The following TMEM260 variants were observed in gnomAD, a reference collection of about 807,000 sequenced individuals.
TMEM260 encodes transmembrane protein 260.
A neutral mutation model predicts 88.9 loss-of-function variants in TMEM260; 82 were observed. The ratio of observed to expected loss-of-function variants is 0.92; its 90% confidence interval spans 0.77 to 1.11. The LOEUF (loss-of-function observed/expected upper bound fraction) is 1.11, where lower values mean the gene tolerates loss of function less well. Ranked by LOEUF, TMEM260 falls within the 50% of genes least tolerant of loss-of-function variation. The pLI is 0.00. For missense variants in TMEM260, 902 were observed against 853.4 expected, an observed-to-expected ratio of 1.06 and a Z score of -0.71; for synonymous variants, 314 against 309.3, an observed-to-expected ratio of 1.02 and a Z score of -0.16.
chr14:56,615,935 T>G lies in TMEM260; in HGVS notation c.858-9T>G. 1 of 1,605,092 alleles carries G rather than the reference T, an allele frequency of 6.2e-7. No homozygotes were observed. The highest frequency in any genetic ancestry group is 8.5e-7 in the Non-Finnish European group (1 of 1,172,458). ...TCCTGCCAACAATAAGTTAGATTGT[T>G]TTTTGCAGTTCTCAAGTAACAAATA... On this transcript the variant is annotated splice_polypyrimidine_tract_variant and intron_variant, in intron 7 of 15. Transcript: ENST00000261556.
intron 11 of TMEM260, 143 bp downstream of exon 11, chr14:56,621,845 G>A: frequency 1.7e-6 from 1 of 591,268 alleles, no homozygotes; most frequent in Non-Finnish European, 2.7e-6. Context: ...CTACATGTTA[G>A]GTAGAATATA....
At chr14:56,624,154 A>G (rs1296858738) in intron 11 of TMEM260, among the ~76,000 whole-genome samples, 1 of 152,222 alleles carries the variant, frequency 6.6e-6, no homozygotes, top group Non-Finnish European at 1.5e-5. Flanking sequence ...GAGCTTCTCC[A>G]GGGCAGGGAT....
intron 15 of TMEM260, among the ~76,000 whole-genome samples, chr14:56,645,107 C>T (rs1433599533): frequency 2.0e-5 from 3 of 150,426 alleles, no homozygotes; most frequent in African/African-American, 7.3e-5. Context: ...GGATCTAGAA[C>T]TAGAAATACC....
intron 3 of TMEM260, 152 bp downstream of exon 3, chr14:56,586,064 T>A: frequency 4.7e-6 from 4 of 849,234 alleles, no homozygotes; most frequent in Non-Finnish European, 7.0e-6. Context: ...TTCATATGCA[T>A]TTGACCCCTC....
chr14:56,590,891 C>T (rs1885812136), intron 3 of TMEM260, among the ~76,000 whole-genome samples: 1 of 152,154 alleles, frequency 6.6e-6, no homozygotes, highest in Non-Finnish European at 1.5e-5. Flanking sequence ...AGGTTTTTGC[C>T]CTGCAGCTTG....
At chr14:56,595,048 C>A (rs1028746052) in intron 3 of TMEM260, among the ~76,000 whole-genome samples, 1 of 152,068 alleles carries the variant, frequency 6.6e-6, no homozygotes, top group East Asian at 1.9e-4. Flanking sequence ...ATAATAAAGG[C>A]CCCAGTGATC....
intron 12 of TMEM260, among the ~76,000 whole-genome samples, chr14:56,627,130 C>T (rs1256639161): frequency 1.3e-5 from 2 of 151,984 alleles, no homozygotes; most frequent in Non-Finnish European, 2.9e-5. Flanking sequence ...TTATAATATA[C>T]AATTATGATA....
chr14:56,634,926 G>A lies in TMEM260; in HGVS notation c.1752G>A (p.Val584=). Residue 584 remains valine (V), a synonymous_variant, in exon 14 of 16, where the codon GTG becomes GTA. Coordinates refer to ENST00000261556, the MANE Select transcript of TMEM260 (RefSeq NM_017799.4). Reference sequence around the variant, plus strand: ...TTGATCCATCTTCTTGGGAATCTGTGGCCAATGAAGAAATGTGGCAAGCGA... The same window carrying A: ...TTGATCCATCTTCTTGGGAATCTGTAGCCAATGAAGAAATGTGGCAAGCGA... ...GRFDPSSWES[V]ANEEMWQARM... is the part of the protein sequence containing the mutation. 1 of 1,613,936 alleles carries A rather than the reference G, an allele frequency of 6.2e-7. No homozygotes were observed. Among genetic ancestry groups the A allele is most frequent in the Non-Finnish European group, 8.5e-7 (1 of 1,179,950 alleles).
chr14:56,651,759 C>G (rs1890211289), downstream of TMEM260, among the ~76,000 whole-genome samples: 1 of 152,086 alleles, frequency 6.6e-6, no homozygotes, highest in South Asian at 2.1e-4. Flanking sequence ...AGAAATAAGC[C>G]AAATCTAAGG....
chr14:56,655,339 A>G (rs1236347747), downstream of TMEM260, among the ~76,000 whole-genome samples: 4 of 151,222 alleles, frequency 2.6e-5, 1 homozygote, highest in Non-Finnish European at 5.9e-5. Context: ...GCAGTGAGCT[A>G]TCACGCCACT....
At chr14:56,659,591 C>G in the TMEM260 span, among the ~76,000 whole-genome samples, 154 of 152,174 alleles carry the variant, frequency 1.0e-3, 1 homozygote, top group Non-Finnish European at 8.7e-4. Context: ...CCGGAGAGGC[C>G]GATGGGATTA....
downstream of TMEM260, among the ~76,000 whole-genome samples, chr14:56,653,902 A>G (rs561905503): frequency 2.0e-5 from 3 of 152,266 alleles, no homozygotes; most frequent in Non-Finnish European, 4.4e-5. Flanking sequence ...TGAGACTAGG[A>G]CACAAGCTTC....
chr14:56,590,617 ATTG>A (rs1251262122), intron 3 of TMEM260, among the ~76,000 whole-genome samples: 2 of 152,206 alleles, frequency 1.3e-5, no homozygotes, highest in Admixed American at 1.3e-4. Flanking sequence ...AGAAAGCTCT[ATTG>A]TTCACTTTCC....
At chr14:56,633,740 T>G (rs1200892644) in intron 13 of TMEM260, among the ~76,000 whole-genome samples, 3 of 152,178 alleles carry the variant, frequency 2.0e-5, no homozygotes, top group African/African-American at 7.2e-5. Context: ...AAATAGAAAA[T>G]GAGTCACTAT....
At chr14:56,625,619 C>G in intron 12 of TMEM260, 89 bp downstream of exon 12, 1 of 990,336 alleles carries the variant, frequency 1.0e-6, no homozygotes, top group Non-Finnish European at 1.5e-6. Flanking sequence ...TCCAAAAGAC[C>G]AATTTTCTCT....
At position 56,585,877 on chromosome 14, in the gene TMEM260, A is replaced by T. The variant is rs761205145; in HGVS notation, c.309A>T (p.Ala103=). ...ATCTTCTCTGTGGCTTATTTGGAGCAGTAGCTGCATCATTACTTTTTTTCA... is the reference window on the plus strand; with the variant it reads ...ATCTTCTCTGTGGCTTATTTGGAGCTGTAGCTGCATCATTACTTTTTTTCA... ...RVNLLCGLFG[A]VAASLLFFTV... is the part of the protein sequence containing the mutation. The change falls in exon 3 of 16, where the codon GCA becomes GCT. Residue 103 remains alanine, a synonymous_variant. Coordinates refer to ENST00000261556, the MANE Select transcript of TMEM260 (RefSeq NM_017799.4). 1.6e-5 allele frequency: 26 copies of T among 1,613,296 alleles called. No homozygotes were observed. Among genetic ancestry groups the T allele is most frequent in the Non-Finnish European group, 2.2e-5 (26 of 1,179,632 alleles).
intron 3 of TMEM260, among the ~76,000 whole-genome samples, chr14:56,586,475 T>C (rs1885511221): frequency 6.6e-6 from 1 of 152,130 alleles, no homozygotes; most frequent in Non-Finnish European, 1.5e-5. Context: ...TAGAAGACTT[T>C]CTTAGGTTGG....
At chr14:56,588,012 A>T (rs1885619459) in intron 3 of TMEM260, among the ~76,000 whole-genome samples, 2 of 152,062 alleles carry the variant, frequency 1.3e-5, no homozygotes. Flanking sequence ...GTTTTTGTAC[A>T]ACCATTACAG....
In TMEM260 at chr14:56,636,495, TC is replaced by T; in HGVS notation, c.1779-9del. 1 of 1,612,782 alleles carries T rather than the reference TC, an allele frequency of 6.2e-7. No homozygotes were observed. The highest frequency in any genetic ancestry group is 8.5e-7 in the Non-Finnish European group (1 of 1,178,892). The stretch of plus-strand genomic sequence containing the variant: ...TGTATGATTTTAATGAAGGTTCCTA[TC>T]CCCACCCCCAGGATGAAAACACCGT... On this transcript the variant is annotated splice_polypyrimidine_tract_variant and intron_variant, in intron 14 of 15. Transcript: ENST00000261556.
Sources: allele counts gnomAD v4.1 joint callset (sites outside exome capture counted in the v4.1 genomes callset), GRCh38; gene constraint gnomAD v4.1.1; transcripts MANE v1.5; gene names NCBI Gene and HGNC (gene_info 2026-07-23, HGNC 2026-07-21).